Variants in AK7 observed in about 807,000 individuals in gnomAD.
AK7 encodes the protein adenylate kinase 7, also known as ATP-AMP transphosphorylase 7.
Under a neutral mutation model 96.6 loss-of-function variants are expected in AK7, and 78 were observed. The observed-to-expected ratio is 0.81, with a 90% CI of 0.67 to 0.97. The LOEUF (loss-of-function observed/expected upper bound fraction) is 0.97. Ranked by LOEUF, AK7 falls within the 50% of genes least tolerant of loss-of-function variation. The pLI is 0.00. For synonymous variants in AK7, 302 were observed against 317.2 expected (o/e 0.95, Z 0.51); for missense variants, 855 against 887.9 (o/e 0.96, Z 0.47).
chr14:96,472,775 A>G lies in AK7; in HGVS notation c.1555+20A>G. The G allele has an allele frequency of 6.3e-7, 1 of 1,593,098 alleles. No individual in the cohort carries two copies. Among genetic ancestry groups the G allele is most frequent in the Non-Finnish European group, 8.6e-7 (1 of 1,161,814 alleles). ...TACCTGGTAAGTTTATTTCCCTAAGATCACATTTAAAAGAATGTTCTCTGG... is the reference window on the plus strand; with the variant it reads ...TACCTGGTAAGTTTATTTCCCTAAGGTCACATTTAAAAGAATGTTCTCTGG... On this transcript the variant is annotated intron_variant, in intron 14 of 17. Transcript: ENST00000267584.
At chr14:96,425,170 A>G (rs1891949902) in intron 5 of AK7, among the ~76,000 whole-genome samples, 2 of 152,192 alleles carry the variant, frequency 1.3e-5, no homozygotes, top group African/African-American at 4.8e-5. Context: ...ATAATCATTT[A>G]ACACATTCAT....
intron 4 of AK7, among the ~76,000 whole-genome samples, chr14:96,414,623 T>C (rs961073280): frequency 3.3e-5 from 5 of 152,124 alleles, no homozygotes; most frequent in African/African-American, 9.7e-5. Context: ...GCAGAGCCAG[T>C]TTCCAGTGCA....
chr14:96,410,102 T>C (rs971960455), intron 4 of AK7, among the ~76,000 whole-genome samples: 3 of 152,186 alleles, frequency 2.0e-5, no homozygotes, highest in African/African-American at 7.2e-5. Flanking sequence ...TATTTAGGGA[T>C]TCATCACACT....
chr14:96,415,291 AAAAT>A (rs1006657608), intron 4 of AK7, among the ~76,000 whole-genome samples: 2 of 151,996 alleles, frequency 1.3e-5, no homozygotes, highest in Non-Finnish European at 2.9e-5. Flanking sequence ...ACCATCTCTA[AAAAT>A]AAATAAATAA....
At chr14:96,440,739 T>C (rs1311026915) in intron 6 of AK7, among the ~76,000 whole-genome samples, 1 of 152,242 alleles carries the variant, frequency 6.6e-6, no homozygotes, top group Non-Finnish European at 1.5e-5. Context: ...TAGAAGTTTA[T>C]TGTGCCAAGG....
intron 5 of AK7, among the ~76,000 whole-genome samples, chr14:96,437,424 G>C (rs1892699925): frequency 6.6e-6 from 1 of 152,118 alleles, no homozygotes; most frequent in African/African-American, 2.4e-5. Context: ...TGTCCAGAGT[G>C]AAGTGGACAA....
At chr14:96,443,346 G>C (rs1171206750) in intron 7 of AK7, among the ~76,000 whole-genome samples, 1 of 152,124 alleles carries the variant, frequency 6.6e-6, no homozygotes, top group African/African-American at 2.4e-5. Flanking sequence ...TTAAACGTGA[G>C]GTCAATGAGT....
intron 2 of AK7, among the ~76,000 whole-genome samples, chr14:96,404,150 T>TAAAAAAAA (rs34091316): frequency 3.0e-5 from 3 of 99,756 alleles, no homozygotes; most frequent in African/African-American, 3.7e-5. Context: ...TGTCTCAAAT[T>TAAAAAAAA]AAAAAAAAAA....
intron 2 of AK7, 54 bp downstream of exon 2, chr14:96,398,317 C>T: frequency 6.4e-7 from 1 of 1,571,262 alleles, no homozygotes; most frequent in Non-Finnish European, 8.7e-7. Flanking sequence ...TCACCTTCCG[C>T]TCCAACGCCT....
At chr14:96,453,671 G>A (rs1392640094) in intron 10 of AK7, among the ~76,000 whole-genome samples, 2 of 152,180 alleles carry the variant, frequency 1.3e-5, no homozygotes, top group African/African-American at 4.8e-5. Flanking sequence ...GGCTCCCAGT[G>A]TCCATCTGCT....
At chr14:96,436,070 C>T (rs888246447) in intron 5 of AK7, among the ~76,000 whole-genome samples, 7 of 152,056 alleles carry the variant, frequency 4.6e-5, no homozygotes, top group African/African-American at 9.7e-5. Flanking sequence ...ATTTCCATCC[C>T]GCCATCTTGC....
chr14:96,475,513 T>C (rs1895125623), intron 14 of AK7, among the ~76,000 whole-genome samples: 1 of 152,098 alleles, frequency 6.6e-6, no homozygotes, highest in African/African-American at 2.4e-5. Context: ...GGTCCTGGGA[T>C]GATTTAGGGC....
intron 4 of AK7, among the ~76,000 whole-genome samples, chr14:96,415,151 G>A (rs887803530): frequency 6.6e-6 from 1 of 151,926 alleles, no homozygotes. Context: ...CACCACAGGT[G>A]GAATTAAGAA....
intron 5 of AK7, among the ~76,000 whole-genome samples, chr14:96,432,842 A>G (rs1383250167): frequency 6.6e-6 from 1 of 151,844 alleles, no homozygotes; most frequent in African/African-American, 2.4e-5. Flanking sequence ...AAAAAAAAAA[A>G]AAATAGCCGG....
intron 14 of AK7, among the ~76,000 whole-genome samples, chr14:96,478,221 GA>G (rs1053475600): frequency 6.7e-6 from 1 of 148,770 alleles, no homozygotes; most frequent in African/African-American, 2.5e-5. Flanking sequence ...GGAAGAGAGG[GA>G]GGGGGGAAGA....
chr14:96,414,935 T>C (rs779109134), intron 4 of AK7, among the ~76,000 whole-genome samples: 57 of 151,934 alleles, frequency 3.8e-4, no homozygotes, highest in Non-Finnish European at 7.4e-4. Flanking sequence ...AAAATGTTTT[T>C]GTAGTGACAG....
intron 4 of AK7, among the ~76,000 whole-genome samples, chr14:96,410,630 G>T (rs1011779349): frequency 6.6e-5 from 10 of 152,212 alleles, no homozygotes; most frequent in African/African-American, 1.9e-4. Flanking sequence ...CTTGTGGCAT[G>T]CCCTCATCCT....
At chr14:96,419,491 G>C (rs551180864) in intron 4 of AK7, among the ~76,000 whole-genome samples, 1 of 152,064 alleles carries the variant, frequency 6.6e-6, no homozygotes, top group Non-Finnish European at 1.5e-5. Flanking sequence ...AATGAGCTGG[G>C]CATGGAGGTG....
intron 4 of AK7, among the ~76,000 whole-genome samples, chr14:96,412,058 CAG>C: frequency 6.6e-6 from 1 of 152,212 alleles, no homozygotes; most frequent in South Asian, 2.1e-4. Context: ...GTCTATAAAA[CAG>C]AGCCCTCCAA....
Sources: allele counts gnomAD v4.1 joint callset (sites outside exome capture counted in the v4.1 genomes callset), GRCh38; gene constraint gnomAD v4.1.1; transcripts MANE v1.5; gene names NCBI Gene and HGNC (gene_info 2026-07-23, HGNC 2026-07-21).